Variants in IL1RAPL2 observed in about 807,000 individuals in gnomAD.
The protein encoded by IL1RAPL2 is interleukin 1 receptor accessory protein like 2.
IL1RAPL2 carries 3 observed loss-of-function variants against 44.1 expected under a neutral mutation model. The ratio of observed to expected loss-of-function variants is 0.07; its 90% CI spans 0.03 to 0.18. The LOEUF is 0.18. Among genes scored for constraint, IL1RAPL2 ranks in the 10% least tolerant of loss-of-function variants. The pLI, the probability that IL1RAPL2 is intolerant of heterozygous loss-of-function variation, is 1.00. For missense variants in IL1RAPL2, 391 were observed against 496.4 expected (o/e 0.79, Z 2.02); for synonymous variants, 181 against 178.8 (o/e 1.01, Z -0.10).
chrX:105,191,572 T>C (rs981651006), intron 2 of IL1RAPL2, among the ~76,000 whole-genome samples: 1 of 112,009 alleles, frequency 8.9e-6, no homozygotes, highest in East Asian at 2.8e-4. Context: ...TTTTGAGCCT[T>C]ATAGAAATCT....
chrX:105,076,998 A>G (rs1263672272), intron 2 of IL1RAPL2, among the ~76,000 whole-genome samples: 48 of 111,044 alleles, frequency 4.3e-4, no homozygotes, highest in Non-Finnish European at 8.5e-4. Flanking sequence ...TCTTTATCCA[A>G]TTTGCCAGTC....
At chrX:105,622,892 A>C (rs2037429803) in intron 6 of IL1RAPL2, among the ~76,000 whole-genome samples, 1 of 110,470 alleles carries the variant, frequency 9.1e-6, no homozygotes, top group Admixed American at 9.7e-5. Flanking sequence ...ATCTCTTCTC[A>C]AGTTTTAAAA....
intron 3 of IL1RAPL2, among the ~76,000 whole-genome samples, chrX:105,221,411 CAAAA>C (rs782121555): frequency 7.9e-5 from 5 of 62,932 alleles, no homozygotes; most frequent in African/African-American, 1.2e-4. Context: ...AAACAACAAC[CAAAA>C]AAAAAAAAAA....
chrX:104,786,919 T>TTC (rs58609782), intron 2 of IL1RAPL2, among the ~76,000 whole-genome samples: 265 of 36,591 alleles, frequency 7.2e-3, no homozygotes, highest in African/African-American at 8.0e-3. Context: ...CTCATTCATA[T>TTC]TCTCTCTCTC....
chrX:104,785,204 C>G (rs749938893), intron 2 of IL1RAPL2, among the ~76,000 whole-genome samples: 15 of 110,304 alleles, frequency 1.4e-4, no homozygotes, highest in Non-Finnish European at 1.9e-4. Context: ...GGTAGAGACA[C>G]GGGATTTCTC....
At chrX:105,151,154 G>T (rs2033223557) in intron 2 of IL1RAPL2, among the ~76,000 whole-genome samples, 1 of 111,988 alleles carries the variant, frequency 8.9e-6, no homozygotes, top group Admixed American at 9.5e-5. Context: ...TACAACTGTG[G>T]TGCTTGGTGT....
At chrX:105,037,285 G>A (rs1472794183) in intron 2 of IL1RAPL2, among the ~76,000 whole-genome samples, 6 of 111,483 alleles carry the variant, frequency 5.4e-5, no homozygotes, top group African/African-American at 2.0e-4. Flanking sequence ...TTGAGGAGTA[G>A]TGTGAAAGTG....
At chrX:105,541,866 A>G (rs5916922) in intron 6 of IL1RAPL2, among the ~76,000 whole-genome samples, 39,531 of 109,956 alleles carry the variant, frequency 0.36, 5,775 homozygotes, top group South Asian at 0.49. Context: ...TGAAATCCAA[A>G]CTTTATAGTA....
chrX:105,178,144 C>T (rs771933296), intron 2 of IL1RAPL2, among the ~76,000 whole-genome samples: 6 of 111,593 alleles, frequency 5.4e-5, no homozygotes, highest in Non-Finnish European at 9.4e-5. Flanking sequence ...ATACACCCTT[C>T]CCCAACTCTG....
At chrX:105,746,695 T>C in intron 8 of IL1RAPL2, among the ~76,000 whole-genome samples, 1 of 111,946 alleles carries the variant, frequency 8.9e-6, no homozygotes, top group Non-Finnish European at 1.9e-5. Context: ...GCTGAAAAAA[T>C]ATCTGCTACT....
At chrX:104,651,091 A>G (rs1930144715) in intron 1 of IL1RAPL2, among the ~76,000 whole-genome samples, 1 of 112,238 alleles carries the variant, frequency 8.9e-6, no homozygotes. Context: ...ATCATTGTTC[A>G]GCAAAATTTG....
chrX:105,327,604 A>G (rs758688568), intron 5 of IL1RAPL2, among the ~76,000 whole-genome samples: 19 of 111,677 alleles, frequency 1.7e-4, no homozygotes, highest in African/African-American at 6.2e-4. Context: ...TATATTTTGT[A>G]TAAGATTCCT....
rs777371222 is a variant in IL1RAPL2 at position 105,748,815 on chromosome X, G to C, written c.1049-145G>C. On this transcript the variant is annotated intron_variant, in intron 8 of 10. Transcript: ENST00000372582. ...TTACAAAAATTTGATTCATACAAAT[G>C]TATCAAGAGCAAAGCTACTGCATTA... 2.9e-5 allele frequency: 13 copies of C among 453,076 alleles called. No individual in the cohort carries two copies. In the South Asian group the frequency reaches 7.4e-4, roughly 26 times the overall value. The allele number at this position is 453,076 out of a possible 1,213,427, so 37.3% of individuals were successfully genotyped here. A position where few individuals can be genotyped will look rare whatever the true frequency, so the allele number is the denominator to read the frequency against.
At chrX:105,513,936 T>C (rs369319672) in intron 6 of IL1RAPL2, among the ~76,000 whole-genome samples, 31 of 111,363 alleles carry the variant, frequency 2.8e-4, no homozygotes, top group African/African-American at 9.5e-4. Context: ...CATCTTGAGT[T>C]GATTTTCGTA....
chrX:104,728,252 TTAC>T (rs1931836285), intron 2 of IL1RAPL2, among the ~76,000 whole-genome samples: 1 of 111,217 alleles, frequency 9.0e-6, no homozygotes, highest in Non-Finnish European at 1.9e-5. Context: ...CTGAAATAAT[TTAC>T]TACTCATAGA....
chrX:105,049,351 A>G (rs1191728689), intron 2 of IL1RAPL2, among the ~76,000 whole-genome samples: 1 of 111,690 alleles, frequency 9.0e-6, no homozygotes, highest in African/African-American at 3.3e-5. Flanking sequence ...AGAGAAATGG[A>G]AACATATAGC....
At chrX:105,237,299 A>C (rs1322600778) in intron 4 of IL1RAPL2, among the ~76,000 whole-genome samples, 1 of 111,867 alleles carries the variant, frequency 8.9e-6, no homozygotes, top group Non-Finnish European at 1.9e-5. Context: ...TGCTGCAATA[A>C]ACATACGGTG....
At chrX:105,766,388 T>C (rs1007396061) in intron 10 of IL1RAPL2, among the ~76,000 whole-genome samples, 3 of 111,715 alleles carry the variant, frequency 2.7e-5, no homozygotes, top group African/African-American at 9.8e-5. Context: ...AAACAAGCTA[T>C]GATTCTAAAA....
chrX:104,737,266 A>G (rs932716216), intron 2 of IL1RAPL2, among the ~76,000 whole-genome samples: 13 of 112,561 alleles, frequency 1.2e-4, no homozygotes, highest in Non-Finnish European at 1.7e-4. Flanking sequence ...GGTACAAGCA[A>G]TATGTATGTA....
Sources: gnomAD v4.1 joint callset for allele counts (sites outside exome capture counted in the v4.1 genomes callset) on GRCh38, gnomAD v4.1.1 for gene constraint, MANE v1.5 for transcripts, NCBI Gene and HGNC (gene_info 2026-07-23, HGNC 2026-07-21) for gene names.